The following GREB1L variants were observed in gnomAD, a reference collection of about 807,000 sequenced individuals.
GREB1L encodes the protein GREB1 like retinoic acid receptor coactivator, also known as GREB1-like protein.
GREB1L carries 17 observed loss-of-function variants against 200.8 expected under a neutral mutation model. The ratio of observed to expected loss-of-function variants is 0.08; its 90% confidence interval spans 0.06 to 0.13. The LOEUF (loss-of-function observed/expected upper bound fraction) is 0.13. GREB1L is among the 10% of genes least tolerant of loss of function. The probability of loss-of-function intolerance (pLI) is 1.00; values close to 1 mark genes in which losing one functional copy is unlikely to be tolerated. For synonymous variants in GREB1L, 789 were observed against 893.0 expected (o/e 0.88, Z 2.08); for missense variants, 1,657 against 2,367.7 (o/e 0.70, Z 6.23).
At chr18:21,520,220 C>T (rs987828255) in intron 31 of GREB1L, among the ~76,000 whole-genome samples, 2 of 152,124 alleles carry the variant, frequency 1.3e-5, no homozygotes, top group South Asian at 2.1e-4. Context: ...GGATTACAGG[C>T]GTGAGCCACC....
intron 7 of GREB1L, among the ~76,000 whole-genome samples, chr18:21,423,593 C>G (rs538934351): frequency 6.6e-6 from 1 of 152,314 alleles, no homozygotes; most frequent in Non-Finnish European, 1.5e-5. Flanking sequence ...GGCGCGTTCA[C>G]TCATGCCTGT....
chr18:21,325,542 C>T (rs1275761009), intron 1 of GREB1L, among the ~76,000 whole-genome samples: 3 of 151,870 alleles, frequency 2.0e-5, no homozygotes, highest in African/African-American at 4.8e-5. Flanking sequence ...GGGCCTGTTG[C>T]GGTAGCTCAC....
At chr18:21,304,462 A>G (rs2038667767) in intron 1 of GREB1L, among the ~76,000 whole-genome samples, 1 of 152,094 alleles carries the variant, frequency 6.6e-6, no homozygotes, top group Non-Finnish European at 1.5e-5. Context: ...ATTTAAAGAC[A>G]CAGTCCCCAC....
chr18:21,488,878 A>AT (rs2036225240), intron 18 of GREB1L, among the ~76,000 whole-genome samples: 1 of 152,124 alleles, frequency 6.6e-6, no homozygotes, highest in Admixed American at 6.6e-5. Context: ...GCTGGTCTCG[A>AT]ACTCCTGATC....
intron 1 of GREB1L, among the ~76,000 whole-genome samples, chr18:21,340,617 A>G (rs1417085489): frequency 4.0e-5 from 6 of 150,994 alleles, no homozygotes; most frequent in Non-Finnish European, 8.9e-5. Flanking sequence ...ATCTCAGCTC[A>G]CTGCAACCTC....
At chr18:21,400,716 A>C (rs1254003689) in intron 5 of GREB1L, among the ~76,000 whole-genome samples, 1 of 152,230 alleles carries the variant, frequency 6.6e-6, no homozygotes, top group African/African-American at 2.4e-5. Flanking sequence ...CAAGCTCACC[A>C]GCTGTGGCCA....
chr18:21,518,385 C>G (rs1467812775), intron 31 of GREB1L, among the ~76,000 whole-genome samples, 151 bp downstream of exon 31: 2 of 152,154 alleles, frequency 1.3e-5, no homozygotes, highest in East Asian at 3.8e-4. Context: ...GATAGTAATA[C>G]AGATCAAAAC....
chr18:21,481,522 T>C (rs924437702), intron 17 of GREB1L, among the ~76,000 whole-genome samples: 1 of 151,176 alleles, frequency 6.6e-6, no homozygotes, highest in African/African-American at 2.4e-5. Flanking sequence ...TACCTGTTTC[T>C]TGTTTATATT....
intron 27 of GREB1L, 84 bp downstream of exon 27, chr18:21,508,675 C>T: frequency 8.7e-7 from 1 of 1,144,898 alleles, no homozygotes; most frequent in South Asian, 1.3e-5. Context: ...TCAGATTCCC[C>T]TGCCTCTAGA....
chr18:21,367,134 G>T (rs1390304466), intron 2 of GREB1L, among the ~76,000 whole-genome samples: 3 of 152,150 alleles, frequency 2.0e-5, no homozygotes, highest in Non-Finnish European at 2.9e-5. Flanking sequence ...ACACCATGGG[G>T]TGTATTTTGT....
At chr18:21,461,536 C>T (rs931812195) in intron 15 of GREB1L, among the ~76,000 whole-genome samples, 2 of 152,128 alleles carry the variant, frequency 1.3e-5, no homozygotes, top group African/African-American at 2.4e-5. Context: ...GTGACCTTTT[C>T]GGTCCTTATT....
chr18:21,304,670 A>G (rs2144726883), intron 1 of GREB1L, among the ~76,000 whole-genome samples: 1 of 152,342 alleles, frequency 6.6e-6, no homozygotes, highest in East Asian at 1.9e-4. Context: ...TTCTGGAGAT[A>G]GCCTTACTAG....
intron 7 of GREB1L, among the ~76,000 whole-genome samples, chr18:21,429,129 TCCTTCCTTCCTTCCTTCCTC>T (rs1292945477): frequency 7.6e-6 from 1 of 130,778 alleles, no homozygotes; most frequent in African/African-American, 3.3e-5. Flanking sequence ...CTTCCTTCCT[TCCTTCCTTCCTTCCTTCCTC>T]CCTTCCCTCC....
intron 21 of GREB1L, among the ~76,000 whole-genome samples, chr18:21,497,817 C>G (rs762576564): frequency 7.9e-6 from 1 of 126,264 alleles, no homozygotes; most frequent in Non-Finnish European, 1.7e-5. Flanking sequence ...CACCACCCCC[C>G]CCCCTTTTTT....
intron 17 of GREB1L, among the ~76,000 whole-genome samples, chr18:21,482,047 C>A (rs1244797705): frequency 6.6e-6 from 1 of 152,096 alleles, no homozygotes; most frequent in Non-Finnish European, 1.5e-5. Flanking sequence ...GAGGCTAAGT[C>A]AAAGTGATTA....
chr18:21,401,308 C>T lies in GREB1L; in HGVS notation c.691C>T (p.Pro231Ser). 6.5e-7 allele frequency: 1 copy of T among 1,549,130 alleles called. No homozygotes were observed. The highest frequency in any genetic ancestry group is 8.7e-7 in the Non-Finnish European group (1 of 1,145,938). The change falls in exon 6 of 33, where the codon CCT (proline) becomes TCT (serine). Residue 231 changes from proline (P) to serine (S), a missense_variant. By Grantham distance (74) the Pro-to-Ser change is moderately conservative (BLOSUM62 -1). Coordinates refer to ENST00000424526, the MANE Select transcript of GREB1L (RefSeq NM_001142966.3). ...CTCCCAGGGTGTACTGTCTAAAGGA[C>T]CTCTTATCTGCTGGAAAGGTAGTCA... ...RSSQGVLSKG[P>S]LICWKECRSR...
At chr18:21,315,296 G>T (rs1411569206) in intron 1 of GREB1L, among the ~76,000 whole-genome samples, 1 of 152,094 alleles carries the variant, frequency 6.6e-6, no homozygotes, top group Non-Finnish European at 1.5e-5. Context: ...TCACTATGTT[G>T]CGCAGGCTGG....
chr18:21,445,547 A>G, intron 11 of GREB1L, among the ~76,000 whole-genome samples: 1 of 152,298 alleles, frequency 6.6e-6, no homozygotes, highest in East Asian at 1.9e-4. Context: ...ATTAGTATGC[A>G]CTCTTGTGAA....
intron 7 of GREB1L, among the ~76,000 whole-genome samples, chr18:21,430,719 C>T (rs766277270): frequency 4.0e-4 from 60 of 150,460 alleles, no homozygotes; most frequent in Non-Finnish European, 7.7e-4. Flanking sequence ...GCCTCAGCCT[C>T]GGGAGTAGAT....
Sources: gnomAD v4.1 joint callset for allele counts (sites outside exome capture counted in the v4.1 genomes callset) on GRCh38, gnomAD v4.1.1 for gene constraint, MANE v1.5 for transcripts, NCBI Gene and HGNC (gene_info 2026-07-23, HGNC 2026-07-21) for gene names.